The following LRP1B variants were observed in gnomAD, a reference collection of about 807,000 sequenced individuals.
LRP1B encodes the protein LDL receptor related protein 1B.
Under a neutral mutation model 556.6 loss-of-function variants are expected in LRP1B, and 217 were observed. The observed-to-expected ratio is 0.39, with a 90% CI of 0.35 to 0.44. The LOEUF (loss-of-function observed/expected upper bound fraction) is 0.44, where lower values mean the gene tolerates loss of function less well. Among genes scored for constraint, LRP1B ranks in the 20% least tolerant of loss-of-function variants. LRP1B has a pLI of 1.00. For synonymous variants in LRP1B, 2,047 were observed against 1,865.8 expected, an observed-to-expected ratio of 1.10 and a Z score of -2.50; for missense variants, 5,053 against 5,620.8, an observed-to-expected ratio of 0.90 and a Z score of 3.23.
chr2:140,998,850 A>G (rs1697329368), intron 15 of LRP1B, among the ~76,000 whole-genome samples: 1 of 152,076 alleles, frequency 6.6e-6, no homozygotes. Context: ...TCATGTCACA[A>G]TGGCTGCAAC....
chr2:141,390,728 G>A (rs1690019139), intron 3 of LRP1B, among the ~76,000 whole-genome samples: 1 of 152,198 alleles, frequency 6.6e-6, no homozygotes, highest in Admixed American at 6.5e-5. Context: ...TTCAGAAGAG[G>A]TAAAGTCAGA....
chr2:141,695,066 T>G (rs571686956), intron 2 of LRP1B, among the ~76,000 whole-genome samples: 22 of 152,186 alleles, frequency 1.4e-4, no homozygotes, highest in East Asian at 1.4e-3. Flanking sequence ...TGTGGAATGA[T>G]TGTTCACATT....
intron 3 of LRP1B, among the ~76,000 whole-genome samples, chr2:141,297,129 C>A (rs1460250980): frequency 6.6e-6 from 1 of 152,074 alleles, no homozygotes; most frequent in Middle Eastern, 3.2e-3. Flanking sequence ...AGGTTGATTC[C>A]ATGTATTTGC....
chr2:141,753,185 T>C (rs1352744440), intron 2 of LRP1B, among the ~76,000 whole-genome samples: 1 of 134,634 alleles, frequency 7.4e-6, no homozygotes, highest in African/African-American at 2.8e-5. Context: ...GAGGGGGAGG[T>C]TGCGGTGAGC....
chr2:141,441,489 A>G lies in LRP1B; in HGVS notation c.343+38907T>C, dbSNP rs113593131. 3.9e-3 allele frequency among the ~76,000 whole-genome samples: 596 copies of G among 152,344 alleles called. 4 individuals are homozygous for G. Among genetic ancestry groups the G allele is most frequent in the African/African-American group, 0.014 (562 of 41,576 alleles). ...TTAAACCATAAATACTTGTAGACCA[A>G]CTAATCAGAGTCCTAATTTTATTAA... is the stretch of plus-strand genomic sequence containing the variant. On this transcript the variant is annotated intron_variant, in intron 3 of 90. Transcript: ENST00000389484.
At chr2:142,079,326 G>A (rs1395414795) in intron 1 of LRP1B, among the ~76,000 whole-genome samples, 1 of 152,010 alleles carries the variant, frequency 6.6e-6, no homozygotes, top group Non-Finnish European at 1.5e-5. Flanking sequence ...ATAGCCTTAT[G>A]TAATGGAAAT....
At chr2:141,232,248 G>T (rs1683498552) in intron 5 of LRP1B, among the ~76,000 whole-genome samples, 1 of 152,138 alleles carries the variant, frequency 6.6e-6, no homozygotes. Flanking sequence ...TTGGATCATA[G>T]ATTTCTCAGG....
At chr2:140,461,109 G>T (rs1687298383) in intron 60 of LRP1B, among the ~76,000 whole-genome samples, 1 of 151,454 alleles carries the variant, frequency 6.6e-6, no homozygotes, top group Non-Finnish European at 1.5e-5. Context: ...AAAAGAAAAG[G>T]TGGCTATCCA....
chr2:142,031,041 TTACA>T (rs1703674894), intron 1 of LRP1B, among the ~76,000 whole-genome samples: 1 of 151,942 alleles, frequency 6.6e-6, no homozygotes. Flanking sequence ...TCTTATACCC[TTACA>T]TATTTTTACT....
At chr2:140,794,116 G>T (rs769377496) in intron 32 of LRP1B, among the ~76,000 whole-genome samples, 3 of 151,776 alleles carry the variant, frequency 2.0e-5, no homozygotes, top group Non-Finnish European at 2.9e-5. Context: ...AGATACATAC[G>T]GTCCTCATTG....
intron 3 of LRP1B, among the ~76,000 whole-genome samples, chr2:141,256,974 G>A (rs1684488400): frequency 6.6e-6 from 1 of 151,920 alleles, no homozygotes; most frequent in African/African-American, 2.4e-5. Context: ...AGAGGTATCA[G>A]CGATAAGAAC....
chr2:140,864,219 T>A (rs1188419344), intron 27 of LRP1B, among the ~76,000 whole-genome samples: 1 of 152,000 alleles, frequency 6.6e-6, no homozygotes, highest in East Asian at 1.9e-4. Context: ...TTAGCTAGAC[T>A]CTATAGTTGA....
chr2:140,335,622 T>C lies in LRP1B; in HGVS notation c.12109A>G (p.Lys4037Glu), dbSNP rs1681046895. The C allele has an allele frequency of 6.3e-7, 1 of 1,595,130 alleles. No homozygotes were observed. Among genetic ancestry groups the C allele is most frequent in the Non-Finnish European group, 8.6e-7 (1 of 1,163,266 alleles). Reference sequence around the variant, plus strand: ...ACTAAGCCATTAACCTACCCTCTTTTAGGATTTACTGCAATAGCATAGGGT... The same window carrying C: ...ACTAAGCCATTAACCTACCCTCTTTCAGGATTTACTGCAATAGCATAGGGT... ...GEPYAIAVNPKRGMMYWTVVG... is the reference protein window; with the variant it reads ...GEPYAIAVNPERGMMYWTVVG... The change falls in exon 78 of 91, where the codon AAA becomes GAA. Residue 4037 changes from lysine (K) to glutamate (E), a missense_variant. Physicochemically the swap from Lys to Glu is moderately conservative, Grantham distance 56. Coordinates refer to ENST00000389484, the MANE Select transcript of LRP1B (RefSeq NM_018557.3).
intron 1 of LRP1B, among the ~76,000 whole-genome samples, chr2:141,889,944 C>T (rs1248893306): frequency 2.0e-5 from 3 of 152,058 alleles, no homozygotes; most frequent in Admixed American, 2.0e-4. Context: ...CTGTACCACA[C>T]TGTGACAATG....
chr2:141,698,973 G>A (rs948856447), intron 2 of LRP1B, among the ~76,000 whole-genome samples: 16 of 151,842 alleles, frequency 1.1e-4, no homozygotes, highest in African/African-American at 3.9e-4. Context: ...ATTGGAGGAT[G>A]TGTTAACAGA....
chr2:141,544,299 T>TTCTTCTTCGTCG (rs1559130765), intron 2 of LRP1B, among the ~76,000 whole-genome samples: 6 of 1,616 alleles, frequency 3.7e-3, no homozygotes, highest in African/African-American at 6.4e-3. Context: ...TTTACCACTC[T>TTCTTCTTCGTCG]TCTTCTTCTT....
chr2:141,522,356 G>C (rs1684555710), intron 2 of LRP1B, among the ~76,000 whole-genome samples: 1 of 152,108 alleles, frequency 6.6e-6, no homozygotes, highest in African/African-American at 2.4e-5. Flanking sequence ...TGAAAATCTA[G>C]ATAAGATTCA....
At chr2:140,293,644 T>G (rs1384860268) in intron 84 of LRP1B, among the ~76,000 whole-genome samples, 2 of 152,198 alleles carry the variant, frequency 1.3e-5, no homozygotes. Context: ...AGATACAATT[T>G]TGACAGAACA....
chr2:141,988,415 A>C (rs986220964), intron 1 of LRP1B, among the ~76,000 whole-genome samples: 1 of 151,974 alleles, frequency 6.6e-6, no homozygotes, highest in Non-Finnish European at 1.5e-5. Context: ...TAAAATATAC[A>C]TATTATAAAA....
Sources: allele counts gnomAD v4.1 joint callset (sites outside exome capture counted in the v4.1 genomes callset), GRCh38; gene constraint gnomAD v4.1.1; transcripts MANE v1.5; gene names NCBI Gene and HGNC (gene_info 2026-07-23, HGNC 2026-07-21).